The following ATP8A2 variants were observed in gnomAD, a reference collection of about 807,000 sequenced individuals.
ATP8A2 encodes the protein phospholipid-transporting ATPase IB.
A neutral mutation model predicts 165.6 loss-of-function variants in ATP8A2; 100 were observed. That is an observed-to-expected ratio of 0.60 (90% CI 0.51 to 0.71). ATP8A2 has a LOEUF of 0.71. ATP8A2 is among the 30% of genes least tolerant of loss of function. ATP8A2 has a pLI of 0.00. For missense variants in ATP8A2, 1,227 were observed against 1,479.5 expected (o/e 0.83, Z 2.80); for synonymous variants, 543 against 548.8 (o/e 0.99, Z 0.15).
intron 27 of ATP8A2, among the ~76,000 whole-genome samples, chr13:25,826,356 G>A (rs897990403): frequency 6.6e-6 from 1 of 152,148 alleles, no homozygotes; most frequent in Admixed American, 6.5e-5. Context: ...TTTGAACAGG[G>A]TAATGACAAG....
At chr13:25,789,159 G>A (rs1398956223) in intron 27 of ATP8A2, among the ~76,000 whole-genome samples, 1 of 152,070 alleles carries the variant, frequency 6.6e-6, no homozygotes, top group Non-Finnish European at 1.5e-5. Context: ...TCAATGCTTG[G>A]AAATAATGGA....
At chr13:25,397,978 G>A (rs1180058563) in intron 1 of ATP8A2, among the ~76,000 whole-genome samples, 7 of 152,186 alleles carry the variant, frequency 4.6e-5, no homozygotes, top group African/African-American at 1.2e-4. Context: ...GATTGTGGAA[G>A]CCAAGGTCCT....
intron 24 of ATP8A2, among the ~76,000 whole-genome samples, chr13:25,604,218 C>T (rs1161825596): frequency 6.6e-6 from 1 of 152,074 alleles, no homozygotes; most frequent in South Asian, 2.1e-4. Flanking sequence ...GGAACAAAGT[C>T]TTTCAAGAAG....
intron 24 of ATP8A2, among the ~76,000 whole-genome samples, chr13:25,669,718 C>T (rs1192932673): frequency 2.6e-5 from 4 of 152,136 alleles, no homozygotes; most frequent in Non-Finnish European, 5.9e-5. Context: ...CCTTCTTAGC[C>T]TCCACCTTCC....
intron 25 of ATP8A2, among the ~76,000 whole-genome samples, chr13:25,764,345 A>G (rs1001330196): frequency 6.6e-6 from 1 of 152,260 alleles, no homozygotes; most frequent in Non-Finnish European, 1.5e-5. Flanking sequence ...GCAAAGAAGA[A>G]AAACCTACAT....
intron 35 of ATP8A2, among the ~76,000 whole-genome samples, chr13:26,000,700 C>A (rs865902131): frequency 2.0e-3 from 218 of 110,132 alleles, no homozygotes; most frequent in South Asian, 2.3e-3. Context: ...AGTACAGAGC[C>A]AAAAAAAAAA....
chr13:25,526,645 G>A (rs1248872607), intron 2 of ATP8A2, among the ~76,000 whole-genome samples: 1 of 152,196 alleles, frequency 6.6e-6, no homozygotes, highest in Non-Finnish European at 1.5e-5. Flanking sequence ...TGAATTAGGG[G>A]TTTGTGCTCA....
chr13:26,011,133 G>C (rs757496335), intron 35 of ATP8A2, among the ~76,000 whole-genome samples: 10 of 152,274 alleles, frequency 6.6e-5, no homozygotes, highest in East Asian at 1.9e-4. Context: ...TCCCACAAAC[G>C]TAAGGGGGGT....
chr13:25,718,715 C>A (rs1258592823), intron 25 of ATP8A2, among the ~76,000 whole-genome samples: 7 of 151,880 alleles, frequency 4.6e-5, no homozygotes, highest in Admixed American at 3.9e-4. Context: ...TTTTTTAGCC[C>A]CAAATAAGAA....
rs1298360546 is a variant in ATP8A2 at position 26,012,573 on chromosome 13, G to C, written c.3420G>C (p.Lys1140Asn). ...RDRLIKRLGR[K>N]TPPTLFRGSS... is the part of the protein sequence containing the mutation. Reference sequence around the variant, plus strand: ...GCCTGATCAAGAGGCTGGGCCGGAAGACGCCCCCGACGCTGTTCCGGGGCA... The same window carrying C: ...GCCTGATCAAGAGGCTGGGCCGGAACACGCCCCCGACGCTGTTCCGGGGCA... Residue 1140 changes from lysine to asparagine, a missense_variant, in exon 36 of 37, where the codon AAG becomes AAC. By Grantham distance (94) the Lys-to-Asn change is moderately conservative (BLOSUM62 0). Transcript: ENST00000381655. 7.8e-6 allele frequency: 12 copies of C among 1,529,628 alleles called. No individual in the cohort carries two copies. Among genetic ancestry groups the C allele is most frequent in the Non-Finnish European group, 1.1e-5 (12 of 1,138,612 alleles). The allele number at this position is 1,529,628 out of a possible 1,614,324, so 94.8% of individuals were successfully genotyped here.
chr13:25,918,765 C>T (rs1241205251), intron 33 of ATP8A2, among the ~76,000 whole-genome samples: 3 of 152,218 alleles, frequency 2.0e-5, no homozygotes, highest in Non-Finnish European at 4.4e-5. Context: ...TCCCTCCCAG[C>T]AGCCGATCCT....
intron 25 of ATP8A2, among the ~76,000 whole-genome samples, chr13:25,729,586 G>A (rs78543045): frequency 0.017 from 2,607 of 152,280 alleles, 70 homozygotes; most frequent in African/African-American, 0.059. Context: ...GTCGCGACAC[G>A]TGTGTCTTTT....
chr13:25,535,141 G>C (rs1463958357), intron 6 of ATP8A2, among the ~76,000 whole-genome samples: 2 of 151,260 alleles, frequency 1.3e-5, no homozygotes, highest in Non-Finnish European at 2.9e-5. Context: ...GGGTGAATCA[G>C]GGGTAACTAG....
intron 33 of ATP8A2, among the ~76,000 whole-genome samples, chr13:25,883,964 T>A (rs1411824588): frequency 6.6e-6 from 1 of 151,884 alleles, no homozygotes; most frequent in Non-Finnish European, 1.5e-5. Flanking sequence ...GAGCAAGGAG[T>A]ATGGGTCTCT....
intron 2 of ATP8A2, among the ~76,000 whole-genome samples, 175 bp from the exon 3 acceptor site, chr13:25,529,824 C>T (rs1006702018): frequency 7.9e-5 from 12 of 152,226 alleles, no homozygotes; most frequent in South Asian, 2.1e-4. Context: ...TCATCAGGGG[C>T]GCCATTTTAC....
intron 24 of ATP8A2, among the ~76,000 whole-genome samples, chr13:25,610,283 A>T (rs1169842206): frequency 1.3e-5 from 2 of 152,028 alleles, no homozygotes; most frequent in Non-Finnish European, 2.9e-5. Context: ...TCTTGAGTTG[A>T]TTTTTGTATA....
At chr13:25,539,324 C>T (rs1350083277) in intron 7 of ATP8A2, among the ~76,000 whole-genome samples, 1 of 151,810 alleles carries the variant, frequency 6.6e-6, no homozygotes, top group Non-Finnish European at 1.5e-5. Flanking sequence ...GTTGCCCAAG[C>T]TTGTTCTGGA....
At chr13:25,758,923 G>T (rs979300756) in intron 25 of ATP8A2, among the ~76,000 whole-genome samples, 2 of 152,078 alleles carry the variant, frequency 1.3e-5, no homozygotes, top group Admixed American at 6.6e-5. Flanking sequence ...GGAAGAAAGA[G>T]CTTTGTGTAA....
intron 33 of ATP8A2, chr13:25,950,608 C>A (rs1208901357): frequency 1.3e-5 from 2 of 152,218 alleles, no homozygotes; most frequent in African/African-American, 2.4e-5. Context: ...ACCAAACACA[C>A]CCCATTCTCT....
Sources: gnomAD v4.1 joint callset for allele counts (sites outside exome capture counted in the v4.1 genomes callset) on GRCh38, gnomAD v4.1.1 for gene constraint, MANE v1.5 for transcripts, NCBI Gene and HGNC (gene_info 2026-07-23, HGNC 2026-07-21) for gene names.